Variants in PROSER3 observed in about 807,000 individuals in gnomAD.
The protein encoded by PROSER3 is proline and serine-rich protein 3.
Under a neutral mutation model 50.2 loss-of-function variants are expected in PROSER3, and 33 were observed. The observed-to-expected ratio is 0.66, with a 90% CI of 0.50 to 0.88. The LOEUF (loss-of-function observed/expected upper bound fraction) is 0.88, where lower values mean the gene tolerates loss of function less well. Ranked by LOEUF, PROSER3 falls within the 40% of genes least tolerant of loss-of-function variation. The probability of loss-of-function intolerance (pLI) is 0.00; values close to 1 mark genes in which losing one functional copy is unlikely to be tolerated. For synonymous variants in PROSER3, 266 were observed against 259.3 expected (o/e 1.03, Z -0.25); for missense variants, 623 against 612.7 (o/e 1.02, Z -0.18).
intron 7 of PROSER3, among the ~76,000 whole-genome samples, chr19:35,766,478 C>T (rs1396351669): frequency 1.3e-5 from 2 of 152,048 alleles, no homozygotes; most frequent in African/African-American, 2.4e-5. Context: ...CCCAGGAGGT[C>T]GAGACTGCAG....
chr19:35,765,351 T>C (rs1315084198), intron 7 of PROSER3, among the ~76,000 whole-genome samples, 175 bp downstream of exon 7: 1 of 152,126 alleles, frequency 6.6e-6, no homozygotes, highest in African/African-American at 2.4e-5. Flanking sequence ...TTGCCTGAGC[T>C]CAGGAGTTTG....
downstream of PROSER3, chr19:35,770,729 G>T (rs1405497152): frequency 6.6e-6 from 1 of 151,868 alleles, no homozygotes; most frequent in Non-Finnish European, 1.5e-5. Context: ...ACAAAAATTG[G>T]CCAGGCATTG....
exon 5 of PROSER3, chr19:35,762,334 C>T: frequency 6.2e-7 from 1 of 1,606,816 alleles, no homozygotes; most frequent in Middle Eastern, 1.7e-4. Flanking sequence ...CATGCTGTGG[C>T]TCCCCTTCAG....
At chr19:35,762,099 G>C (rs745920306) in exon 4 of PROSER3, 2 of 1,610,674 alleles carry the variant, frequency 1.2e-6, no homozygotes, top group Admixed American at 1.7e-5. Context: ...GCTGACTTTT[G>C]GTGGCTGCAG....
intron 5 of PROSER3, 193 bp downstream of exon 5, chr19:35,762,549 A>G (rs1449644190): frequency 8.3e-5 from 28 of 337,112 alleles, no homozygotes; most frequent in Non-Finnish European, 1.4e-4. Context: ...CCTCTACTAA[A>G]AAAAAAAAAA....
chr19:35,765,008 G>A, intron 6 of PROSER3, 26 bp from the exon 7 acceptor site: 1 of 1,612,702 alleles, frequency 6.2e-7, no homozygotes. Flanking sequence ...GACCTCCATT[G>A]CCTCACTCCT....
At chr19:35,758,781 C>T (rs1970855454) in intron 1 of PROSER3, 1 of 153,348 alleles carries the variant, frequency 6.5e-6, no homozygotes, top group African/African-American at 2.4e-5. Context: ...AATTCTCATG[C>T]CTCAGCCTCC....
chr19:35,763,693 A>G (rs1327921141), intron 5 of PROSER3, among the ~76,000 whole-genome samples: 1 of 149,844 alleles, frequency 6.7e-6, no homozygotes, highest in Non-Finnish European at 1.5e-5. Context: ...TTTTTAGTAG[A>G]GATGGGGTTT....
At chr19:35,758,288 C>T (rs1000726103) in intron 1 of PROSER3, 62 bp downstream of exon 1, 1 of 1,541,482 alleles carries the variant, frequency 6.5e-7, no homozygotes. Context: ...GCGAGAGCAG[C>T]ACAGCCTAGG....
chr19:35,761,149 C>A (rs1970942850), intron 3 of PROSER3, among the ~76,000 whole-genome samples: 1 of 152,140 alleles, frequency 6.6e-6, no homozygotes, highest in African/African-American at 2.4e-5. Flanking sequence ...CATTTCATAC[C>A]CTGTTTGTCA....
chr19:35,761,951 C>G, intron 3 of PROSER3, 68 bp from the exon 4 acceptor site: 1 of 1,471,138 alleles, frequency 6.8e-7, no homozygotes, highest in Non-Finnish European at 9.1e-7. Flanking sequence ...ACGTTGGCTG[C>G]TATAATTATT....
At chr19:35,769,775 G>A (rs1253314384), downstream of PROSER3, 1 of 152,176 alleles carries the variant, frequency 6.6e-6, no homozygotes, top group Non-Finnish European at 1.5e-5. Context: ...TTGTTGCCCA[G>A]GCTGTAGTAC....
At chr19:35,758,399 G>C (rs1338338966) in intron 1 of PROSER3, 173 bp downstream of exon 1, 2 of 790,944 alleles carry the variant, frequency 2.5e-6, no homozygotes, top group Non-Finnish European at 3.7e-6. Context: ...GTAGCCGTTA[G>C]CATCCCGGGG....
chr19:35,767,989 G>A, exon 9 of PROSER3: 1 of 1,595,064 alleles, frequency 6.3e-7, no homozygotes, highest in Non-Finnish European at 8.5e-7. Flanking sequence ...CCCTGGCCCC[G>A]CCCCCGCCCG....
At chr19:35,768,535 G>C (rs758494345) in exon 11 of PROSER3, 1 of 1,593,536 alleles carries the variant, frequency 6.3e-7, no homozygotes, top group South Asian at 1.1e-5. Flanking sequence ...CTGGAGGCCA[G>C]AAGACTTTGA....
At chr19:35,765,299 G>C in intron 7 of PROSER3, 123 bp downstream of exon 7, 1 of 1,257,024 alleles carries the variant, frequency 8.0e-7, no homozygotes, top group Non-Finnish European at 1.1e-6. Context: ...CAGGGATAAG[G>C]CCAGATGAGG....
chr19:35,766,758 C>A lies in PROSER3; in HGVS notation c.770-10C>A. ...CTGCCTCACCCTCTCCTCTCTACCT[C>A]CCCCTACAGCATCCCCGGCACCAGC... On this transcript the variant is annotated splice_polypyrimidine_tract_variant and intron_variant, in intron 7 of 10. Coordinates refer to ENST00000396908, the Ensembl canonical transcript of PROSER3. The A allele has an allele frequency of 6.5e-7, 1 of 1,541,456 alleles. No individual in the cohort carries two copies. Among genetic ancestry groups the A allele is most frequent in the East Asian group, 2.5e-5 (1 of 40,764 alleles).
At chr19:35,762,562 A>AAAG (rs1555742235) in intron 5 of PROSER3, 5 of 402,460 alleles carry the variant, frequency 1.2e-5, no homozygotes, top group Non-Finnish European at 2.3e-5. Context: ...AAAAAAAAAA[A>AAAG]AGAGAGAGAG....
At chr19:35,768,338 G>A (rs1029583272) in intron 10 of PROSER3, 66 bp from the exon 11 acceptor site, 44 of 1,580,566 alleles carry the variant, frequency 2.8e-5, no homozygotes, top group Middle Eastern at 3.7e-4. Flanking sequence ...CCAGCAGTCC[G>A]TCCACAGCCC....
Sources: allele counts gnomAD v4.1 joint callset (sites outside exome capture counted in the v4.1 genomes callset), GRCh38; gene constraint gnomAD v4.1.1; transcripts MANE v1.5; gene names NCBI Gene and HGNC (gene_info 2026-07-23, HGNC 2026-07-21).